Variants in POU2F1 observed in about 807,000 individuals in gnomAD.
POU2F1 encodes the protein POU class 2 homeobox 1.
Under a neutral mutation model 84.9 loss-of-function variants are expected in POU2F1, and 16 were observed. The ratio of observed to expected loss-of-function variants is 0.19; its 90% CI spans 0.13 to 0.29. The LOEUF (loss-of-function observed/expected upper bound fraction) is 0.29. Ranked by LOEUF, POU2F1 falls within the 10% of genes least tolerant of loss-of-function variation. The pLI is 1.00. For missense variants in POU2F1, 738 were observed against 942.6 expected, an observed-to-expected ratio of 0.78 and a Z score of 2.84; for synonymous variants, 368 against 368.3, an observed-to-expected ratio of 1.00 and a Z score of 0.01.
chr1:167,402,960 T>G (rs1649312237), intron 13 of POU2F1, among the ~76,000 whole-genome samples: 1 of 152,206 alleles, frequency 6.6e-6, no homozygotes. Flanking sequence ...GTTTACACAT[T>G]AAGAACAAAT....
At chr1:167,235,720 T>C (rs1448137745) in intron 1 of POU2F1, among the ~76,000 whole-genome samples, 1 of 152,200 alleles carries the variant, frequency 6.6e-6, no homozygotes, top group Non-Finnish European at 1.5e-5. Flanking sequence ...TGCTCTCTAT[T>C]CTTTAGTTCA....
At chr1:167,357,235 C>T (rs1658997781) in intron 2 of POU2F1, among the ~76,000 whole-genome samples, 1 of 151,990 alleles carries the variant, frequency 6.6e-6, no homozygotes, top group Non-Finnish European at 1.5e-5. Flanking sequence ...TCTTCTTAAT[C>T]TTAAAGGAAA....
intron 7 of POU2F1, 26 bp downstream of exon 7, chr1:167,376,181 G>A: frequency 3.1e-6 from 5 of 1,612,720 alleles, no homozygotes; most frequent in Non-Finnish European, 4.2e-6. Context: ...GAGCTTATTA[G>A]TGGTATACCA....
intron 1 of POU2F1, chr1:167,241,474 G>A (rs1379949696): frequency 6.6e-6 from 1 of 152,156 alleles, no homozygotes; most frequent in African/African-American, 2.4e-5. Flanking sequence ...ATGCTGTTTC[G>A]AGAATTTGAA....
At chr1:167,371,301 T>A (rs375235925) in intron 4 of POU2F1, among the ~76,000 whole-genome samples, 18 of 152,368 alleles carry the variant, frequency 1.2e-4, no homozygotes, top group Non-Finnish European at 2.4e-4. Context: ...TTAGCCTTGC[T>A]GCAGTCCCCA....
chr1:167,226,950 C>A (rs562183841), intron 1 of POU2F1, among the ~76,000 whole-genome samples: 1 of 152,030 alleles, frequency 6.6e-6, no homozygotes, highest in Non-Finnish European at 1.5e-5. Context: ...CATTTATTTT[C>A]TCTTATTTTT....
At chr1:167,320,818 T>C (rs907477786) in intron 1 of POU2F1, among the ~76,000 whole-genome samples, 1 of 152,228 alleles carries the variant, frequency 6.6e-6, no homozygotes, top group African/African-American at 2.4e-5. Flanking sequence ...TAACTCTGCC[T>C]CAGCCTCCTT....
At chr1:167,279,341 A>G (rs192459791) in intron 1 of POU2F1, among the ~76,000 whole-genome samples, 14 of 152,354 alleles carry the variant, frequency 9.2e-5, no homozygotes, top group Non-Finnish European at 8.8e-5. Flanking sequence ...TAAGTTTATG[A>G]AAAAGATCAT....
intron 1 of POU2F1, among the ~76,000 whole-genome samples, chr1:167,277,890 T>A (rs1652850506): frequency 6.6e-6 from 1 of 152,202 alleles, no homozygotes; most frequent in African/African-American, 2.4e-5. Context: ...CATCCTTTAA[T>A]AATTTTCAAA....
chr1:167,247,564 A>G lies in POU2F1; in HGVS notation c.61+26606A>G, dbSNP rs144830127. ...GAGTTTCAGTTTTGAGCTATATAGT[A>G]CTTACTAGGCTTCTATCAATTGGAA... On this transcript the variant is annotated intron_variant, in intron 1 of 15. Transcript: ENST00000367866. Among the ~76,000 whole-genome samples the G allele has an allele frequency of 3.8e-3, 580 of 152,180 alleles. 3 individuals carry two copies. The highest frequency in any genetic ancestry group is 0.013 in the African/African-American group (558 of 41,512).
rs116119347 is a variant in POU2F1, at chr1:167,339,713, C to T, written c.127+7178C>T. On this transcript the variant is annotated intron_variant, in intron 2 of 15. Transcript: ENST00000367866. ...TTTTCTACATTCTTTTGAATTTTGT[C>T]CTTAGGAGTTTGTCATCTTTTAAGA... 7.6e-3 allele frequency among the ~76,000 whole-genome samples: 1,151 copies of T among 152,196 alleles called. 6 individuals are homozygous for T. The highest frequency in any genetic ancestry group is 0.02 in the Middle Eastern group (6 of 294).
In POU2F1 at chr1:167,374,120, C is replaced by T. The variant is rs1339646421; in HGVS notation, c.415C>T (p.Pro139Ser). ...GGQITGLTLT[P>S]AQQQLLLQQA... ...TGGTTTTGTTTAGCTTACTTTGACG[C>T]CTGCCCAGCAACAGTTACTACTCCA... is the stretch of plus-strand genomic sequence containing the variant. Residue 139 changes from proline to serine, a missense_variant, in exon 6 of 16, where the codon CCT (proline) becomes TCT (serine). Physicochemically the swap from Pro to Ser is moderately conservative, Grantham distance 74. Around this residue, in one of 4 missense-constraint regions of POU2F1, gnomAD observed 163 missense variants for 214.4 expected, o/e 0.76. Coordinates refer to ENST00000367866, the MANE Select transcript of POU2F1 (RefSeq NM_002697.4). 2.5e-6 allele frequency: 4 copies of T among 1,614,130 alleles called. No individual in the cohort carries two copies. The African/African-American group carries it at 4.0e-5, about 16-fold the overall frequency.
At chr1:167,361,729 T>C (rs1260436380) in intron 2 of POU2F1, among the ~76,000 whole-genome samples, 2 of 152,174 alleles carry the variant, frequency 1.3e-5, no homozygotes, top group Non-Finnish European at 2.9e-5. Context: ...TTTTGGGGGA[T>C]AGTTTCAGTA....
At chr1:167,280,740 C>G (rs1489589767) in intron 1 of POU2F1, among the ~76,000 whole-genome samples, 2 of 152,124 alleles carry the variant, frequency 1.3e-5, no homozygotes, top group Non-Finnish European at 2.9e-5. Context: ...TTAAAAAGTC[C>G]TAAGCATAAA....
rs138657088 is a variant in POU2F1 at position 167,376,040 on chromosome 1, A to G, written c.603A>G (p.Gln201=). The G allele has an allele frequency of 8.7e-6, 14 of 1,613,950 alleles. No homozygotes were observed. The African/African-American group carries it at 1.9e-4, about 22-fold the overall frequency. ...TTCCAATTTTTCAGGATCTTCAACA[A>G]CTGCAACAGCTTCAACAGCAGAATC... ...QPIQIAQDLQ[Q]LQQLQQQNLN... The change falls in exon 7 of 16, where the codon CAA becomes CAG. Residue 201 remains glutamine, a synonymous_variant. Transcript: ENST00000367866.
intron 13 of POU2F1, among the ~76,000 whole-genome samples, chr1:167,401,769 G>A (rs979953292): frequency 2.6e-5 from 4 of 152,310 alleles, no homozygotes; most frequent in East Asian, 3.9e-4. Context: ...TTGTCAATTC[G>A]TGAAGGTTAT....
intron 1 of POU2F1, among the ~76,000 whole-genome samples, chr1:167,318,445 T>C (rs757530517): frequency 4.6e-5 from 7 of 152,196 alleles, no homozygotes; most frequent in African/African-American, 1.2e-4. Context: ...AATGATGCCA[T>C]AGGAATCATT....
At chr1:167,410,263 T>C (rs1649860771) in intron 13 of POU2F1, among the ~76,000 whole-genome samples, 1 of 152,144 alleles carries the variant, frequency 6.6e-6, no homozygotes, top group Non-Finnish European at 1.5e-5. Flanking sequence ...TTGCACAGCT[T>C]TATAGGAGGT....
intron 1 of POU2F1, among the ~76,000 whole-genome samples, chr1:167,290,423 A>G (rs1262255260): frequency 1.3e-5 from 2 of 152,182 alleles, no homozygotes; most frequent in African/African-American, 2.4e-5. Flanking sequence ...CGAAAACCAC[A>G]TGTTCTCTTT....
Sources: gnomAD v4.1 joint callset for allele counts (sites outside exome capture counted in the v4.1 genomes callset) on GRCh38, gnomAD v4.1.1 for gene constraint, gnomAD v4.1.1 regional missense constraint, MANE v1.5 for transcripts, NCBI Gene and HGNC (gene_info 2026-07-23, HGNC 2026-07-21) for gene names.